PRKG1: variants seen among roughly 807,000 people sequenced by gnomAD.
PRKG1 encodes protein kinase cGMP-dependent 1, also known as cGMP-dependent protein kinase 1.
In PRKG1, 35 loss-of-function variants were observed where a neutral mutation model predicts 88.1. The observed-to-expected ratio is 0.40, with a 90% CI of 0.30 to 0.53. PRKG1 has a LOEUF of 0.53. Among genes scored for constraint, PRKG1 ranks in the 20% least tolerant of loss-of-function variants. PRKG1 has a pLI of 0.59. For synonymous variants in PRKG1, 303 were observed against 292.5 expected (o/e 1.04, Z -0.37); for missense variants, 540 against 839.8 (o/e 0.64, Z 4.41).
chr10:52,075,344 T>C (rs934169172), intron 7 of PRKG1, among the ~76,000 whole-genome samples: 1 of 152,204 alleles, frequency 6.6e-6, no homozygotes, highest in East Asian at 1.9e-4. Context: ...CTCACCGCAA[T>C]CCCAATCAAA....
chr10:51,681,538 C>A (rs190229126), intron 3 of PRKG1, among the ~76,000 whole-genome samples: 5 of 152,186 alleles, frequency 3.3e-5, no homozygotes, highest in East Asian at 1.9e-4. Context: ...CTTAAAAAAA[C>A]CCCTCAGATT....
intron 1 of PRKG1, among the ~76,000 whole-genome samples, chr10:51,010,221 G>A (rs1036755747): frequency 3.9e-5 from 6 of 152,214 alleles, no homozygotes; most frequent in Non-Finnish European, 4.4e-5. Flanking sequence ...ACTACCCAGC[G>A]TAAATCATTC....
At chr10:51,454,844 A>G (rs922338505) in intron 2 of PRKG1, among the ~76,000 whole-genome samples, 2 of 152,200 alleles carry the variant, frequency 1.3e-5, no homozygotes. Context: ...TCAAGATGAG[A>G]TTTGGGTGGG....
intron 17 of PRKG1, among the ~76,000 whole-genome samples, chr10:52,291,651 A>C (rs938107797): frequency 6.6e-6 from 1 of 152,096 alleles, no homozygotes; most frequent in Non-Finnish European, 1.5e-5. Flanking sequence ...CCAGTCTATC[A>C]TTCTTGGACA....
At chr10:51,005,794 C>T (rs1842935040) in intron 1 of PRKG1, among the ~76,000 whole-genome samples, 1 of 152,208 alleles carries the variant, frequency 6.6e-6, no homozygotes, top group Non-Finnish European at 1.5e-5. Context: ...GCTAGAATGT[C>T]TGAGTGGGCA....
intron 3 of PRKG1, among the ~76,000 whole-genome samples, chr10:51,640,412 G>A (rs1022838233): frequency 2.6e-5 from 4 of 152,044 alleles, no homozygotes; most frequent in African/African-American, 4.8e-5. Flanking sequence ...TTTCAATTTC[G>A]ATTTTCTCCT....
intron 3 of PRKG1, among the ~76,000 whole-genome samples, chr10:51,565,375 C>A (rs946801012): frequency 6.6e-6 from 1 of 151,948 alleles, no homozygotes; most frequent in Admixed American, 6.6e-5. Flanking sequence ...CAGACCCTAG[C>A]CCCTGCTGCT....
chr10:52,205,215 C>T (rs1839787688), intron 9 of PRKG1, among the ~76,000 whole-genome samples: 1 of 152,162 alleles, frequency 6.6e-6, no homozygotes, highest in African/African-American at 2.4e-5. Flanking sequence ...TAGTTTCTCC[C>T]TGACCTTCTG....
At chr10:52,215,039 A>G (rs1349060173) in intron 9 of PRKG1, among the ~76,000 whole-genome samples, 1 of 146,440 alleles carries the variant, frequency 6.8e-6, no homozygotes, top group African/African-American at 2.6e-5. Context: ...AGTTTTTTCA[A>G]AAAAAAAAAA....
At chr10:51,548,484 A>C (rs1208521432) in intron 3 of PRKG1, among the ~76,000 whole-genome samples, 1 of 152,110 alleles carries the variant, frequency 6.6e-6, no homozygotes, top group African/African-American at 2.4e-5. Context: ...GTTGTGTGCT[A>C]TCAAGGCCTC....
intron 5 of PRKG1, among the ~76,000 whole-genome samples, chr10:51,946,227 T>C (rs1208560107): frequency 1.3e-5 from 2 of 152,106 alleles, no homozygotes; most frequent in South Asian, 2.1e-4. Flanking sequence ...CCATCACTGA[T>C]ACCCTTTCTT....
At chr10:52,195,230 T>G (rs1839474222) in intron 9 of PRKG1, among the ~76,000 whole-genome samples, 1 of 1,638 alleles carries the variant, frequency 6.1e-4, no homozygotes, top group South Asian at 0.026. Flanking sequence ...GTTTCCTGTT[T>G]TTGTTTTTTT....
intron 9 of PRKG1, among the ~76,000 whole-genome samples, chr10:52,182,617 T>C (rs1410496030): frequency 7.1e-6 from 1 of 141,016 alleles, no homozygotes; most frequent in Non-Finnish European, 1.5e-5. Context: ...TTGTATAAGG[T>C]GTAAGGAAGG....
At chr10:51,720,506 A>G (rs959252300) in intron 3 of PRKG1, among the ~76,000 whole-genome samples, 1 of 152,218 alleles carries the variant, frequency 6.6e-6, no homozygotes, top group Admixed American at 6.5e-5. Context: ...AACTCTCAAC[A>G]ATATTCCTAT....
At chr10:51,551,323 C>A (rs2132128666) in intron 3 of PRKG1, among the ~76,000 whole-genome samples, 1 of 151,872 alleles carries the variant, frequency 6.6e-6, no homozygotes, top group South Asian at 2.1e-4. Flanking sequence ...AAAATCATCA[C>A]TAGAACGCTA....
Position 51,571,605 on chromosome 10 carries a change from G to A in PRKG1, c.592+103769G>A, listed in dbSNP as rs1837754660. 2.6e-5 allele frequency among the ~76,000 whole-genome samples: 4 copies of A among 151,800 alleles called. No homozygotes were observed. The South Asian group carries it at 8.3e-4, about 31-fold the overall frequency. On this transcript the variant is annotated intron_variant, in intron 3 of 17. Coordinates refer to ENST00000373980, the MANE Select transcript of PRKG1 (RefSeq NM_006258.4). The stretch of plus-strand genomic sequence containing the variant: ...TTTCACGAGCTCTTGGGTACAGGCA[G>A]GTGAAAAGCTGAAACTCATGCTGAA...
intron 3 of PRKG1, among the ~76,000 whole-genome samples, chr10:51,594,875 C>T (rs183464446): frequency 2.6e-5 from 4 of 152,178 alleles, no homozygotes; most frequent in Admixed American, 6.5e-5. Flanking sequence ...TGGTCTCTTG[C>T]TGTACTCAAC....
At chr10:51,502,111 T>G in intron 3 of PRKG1, among the ~76,000 whole-genome samples, 1 of 152,204 alleles carries the variant, frequency 6.6e-6, no homozygotes, top group East Asian at 1.9e-4. Flanking sequence ...GAATATTTAA[T>G]GTCTGAATCC....
chr10:51,119,214 T>C (rs1589166199), intron 1 of PRKG1, among the ~76,000 whole-genome samples: 1 of 152,082 alleles, frequency 6.6e-6, no homozygotes, highest in Non-Finnish European at 1.5e-5. Context: ...CACCACATTA[T>C]GTCTTAGGTA....
Sources: gnomAD v4.1 joint callset for allele counts (sites outside exome capture counted in the v4.1 genomes callset) on GRCh38, gnomAD v4.1.1 for gene constraint, MANE v1.5 for transcripts, NCBI Gene and HGNC (gene_info 2026-07-23, HGNC 2026-07-21) for gene names.